LRIG3: variants seen among roughly 807,000 people sequenced by gnomAD.
LRIG3 encodes the protein leucine rich repeats and immunoglobulin like domains 3, also known as leucine-rich repeats and immunoglobulin-like domains protein 3.
Under a neutral mutation model 114.5 loss-of-function variants are expected in LRIG3, and 76 were observed. The ratio of observed to expected loss-of-function variants is 0.66; its 90% CI spans 0.55 to 0.80. The LOEUF is 0.80. LRIG3 is among the 30% of genes least tolerant of loss of function. LRIG3 has a pLI of 0.00. For synonymous variants in LRIG3, 512 were observed against 519.8 expected (o/e 0.98, Z 0.20); for missense variants, 1,239 against 1,382.8 (o/e 0.90, Z 1.65).
intron 8 of LRIG3, chr12:58,887,136 C>CA (rs1871302308): frequency 6.7e-6 from 3 of 445,270 alleles, no homozygotes; most frequent in African/African-American, 6.1e-5. Context: ...ATTCCTCTAT[C>CA]AAAATGACTA....
rs200279260 is a variant in LRIG3, at chr12:58,885,901, T to C, written c.1174A>G (p.Ile392Val). 7.2e-5 allele frequency: 113 copies of C among 1,578,914 alleles called. No homozygotes were observed. Among genetic ancestry groups the C allele is most frequent in the Non-Finnish European group, 9.2e-5 (107 of 1,157,874 alleles). Reference protein sequence around the residue: ...FSGLDKLRRLILQGNRIRSIT... With the variant: ...FSGLDKLRRLVLQGNRIRSIT... The stretch of plus-strand genomic sequence containing the variant: ...GAACGGATCCGATTTCCTTGGAGTA[T>C]CCTGGGGAAAAAAATTACATTGGAG... The change falls in exon 10 of 19, where the codon ATA (isoleucine) becomes GTA (valine). Residue 392 changes from isoleucine to valine, a missense_variant and splice_region_variant. Coordinates refer to ENST00000320743, the MANE Select transcript of LRIG3 (RefSeq NM_153377.5).
intron 3 of LRIG3, among the ~76,000 whole-genome samples, chr12:58,909,114 T>C (rs1353449081): frequency 6.6e-6 from 1 of 152,160 alleles, no homozygotes; most frequent in East Asian, 1.9e-4. Flanking sequence ...CATTTAAAAC[T>C]GTAAAACCCC....
intron 12 of LRIG3, among the ~76,000 whole-genome samples, 165 bp downstream of exon 12, chr12:58,882,704 T>C (rs1592296068): frequency 6.6e-6 from 1 of 152,200 alleles, no homozygotes; most frequent in African/African-American, 2.4e-5. Flanking sequence ...CTTTCCCATC[T>C]GTGAAATTAA....
At position 58,874,218 on chromosome 12, in the gene LRIG3, G is replaced by T. The variant is rs200846498; in HGVS notation, c.2952C>A (p.Ser984Arg). 1.0e-4 allele frequency: 162 copies of T among 1,614,044 alleles called. No homozygotes were observed. The highest frequency in any genetic ancestry group is 1.6e-4 in the Middle Eastern group (1 of 6,084). ...SHPSEESCER[S>R]FSNISWPSHV... is the part of the protein sequence containing the mutation. The stretch of plus-strand genomic sequence containing the variant: ...GTGAAGGCCACGATATATTACTGAA[G>T]CTCCGTTCGCAGGATTCTTCTGAAG... Residue 984 changes from serine (S) to arginine (R), a missense_variant, in exon 18 of 19, where the codon AGC (serine) becomes AGA (arginine). Coordinates refer to ENST00000320743, the MANE Select transcript of LRIG3 (RefSeq NM_153377.5).
rs117922135 is a variant in LRIG3, at chr12:58,895,715, G to A, written c.384-4919C>T. ...TACATTTTAGAATGGCTACTCTGAT[G>A]GCTGTGGGTGGAAAGACTGGGAGGA... On this transcript the variant is annotated intron_variant, in intron 3 of 18. Transcript: ENST00000320743. 1.3e-4 allele frequency among the ~76,000 whole-genome samples: 20 copies of A among 152,290 alleles called. 1 individual carries two copies. In the East Asian group the frequency reaches 3.7e-3, roughly 28 times the overall value.
rs1387274153 is a variant in LRIG3, at chr12:58,872,583, A to C, written c.3349T>G (p.Leu1117Val). ...YRTPNFQSYDLDT is the reference protein window; with the variant it reads ...YRTPNFQSYDVDT ...TGGTCTCATTCAGTCTATGTGTCCA[A>C]GTCATAAGACTGAAAATTTGGAGTC... is the stretch of plus-strand genomic sequence containing the variant. Residue 1117 changes from leucine (L) to valine (V), a missense_variant, in exon 19 of 19, where the codon TTG (leucine) becomes GTG (valine). Coordinates refer to ENST00000320743, the MANE Select transcript of LRIG3 (RefSeq NM_153377.5). 1.2e-6 allele frequency: 2 copies of C among 1,613,088 alleles called. No individual in the cohort carries two copies. Among genetic ancestry groups the C allele is most frequent in the Non-Finnish European group, 8.5e-7 (1 of 1,179,502 alleles).
intron 3 of LRIG3, among the ~76,000 whole-genome samples, chr12:58,906,477 G>C (rs1872070535): frequency 6.6e-6 from 1 of 152,160 alleles, no homozygotes; most frequent in Non-Finnish European, 1.5e-5. Flanking sequence ...TCAAGCAACA[G>C]TCTCTCAAAT....
chr12:58,893,205 A>C lies in LRIG3; in HGVS notation c.384-2409T>G, dbSNP rs563799552. ...TAATAAGGGGACAAAACGGGCATACATTTTAAATTTAAAGAACAAATTAAG... is the reference window on the plus strand; with the variant it reads ...TAATAAGGGGACAAAACGGGCATACCTTTTAAATTTAAAGAACAAATTAAG... On this transcript the variant is annotated intron_variant, in intron 3 of 18. Transcript: ENST00000320743. Among the ~76,000 whole-genome samples the C allele has an allele frequency of 2.6e-5, 4 of 152,332 alleles. No individual in the cohort carries two copies. In the South Asian group the frequency reaches 6.2e-4, roughly 24 times the overall value.
chr12:58,887,959 A>G, intron 7 of LRIG3, 27 bp from the exon 8 acceptor site: 1 of 1,595,476 alleles, frequency 6.3e-7, no homozygotes, highest in Non-Finnish European at 8.6e-7. Flanking sequence ...GAAAAGCAAT[A>G]GCTTTTATTT....
At position 58,914,207 on chromosome 12, in the gene LRIG3, T is replaced by C. The variant is rs74099591; in HGVS notation, c.308+58A>G. ...AATCCAAGTATTCCTTACGGTTAAA[T>C]AGTATAAGGGGTAACGTATTTTACT... On this transcript the variant is annotated intron_variant, in intron 2 of 18. Transcript: ENST00000320743. 3,504 of 1,534,956 alleles carry C rather than the reference T, an allele frequency of 2.3e-3. 60 individuals are homozygous for C. In the African/African-American group the frequency reaches 0.038, roughly 17 times the overall value.
chr12:58,886,664 G>A, intron 9 of LRIG3, 146 bp downstream of exon 9: 1 of 571,738 alleles, frequency 1.7e-6, no homozygotes, highest in East Asian at 2.9e-5. Context: ...GCAACAGCAG[G>A]CATTTGGGGA....
At chr12:58,906,043 C>T (rs1013420212) in intron 3 of LRIG3, among the ~76,000 whole-genome samples, 2 of 152,104 alleles carry the variant, frequency 1.3e-5, no homozygotes, top group Non-Finnish European at 2.9e-5. Flanking sequence ...ATCAGGAGAG[C>T]ACACGTCCTA....
intron 8 of LRIG3, 25 bp from the exon 9 acceptor site, chr12:58,886,915 T>C (rs775749840): frequency 5.7e-6 from 9 of 1,592,068 alleles, no homozygotes; most frequent in Middle Eastern, 3.3e-4. Context: ...AGCATTCCCT[T>C]TAGAGTGATA....
rs1346906981 is a variant in LRIG3, at chr12:58,872,298, T to C, written c.*274A>G. The C allele has an allele frequency of 1.4e-5, 3 of 207,694 alleles. No homozygotes were observed. The highest frequency in any genetic ancestry group is 2.8e-5 in the Non-Finnish European group (3 of 105,922). The allele number at this position is 207,694 out of a possible 1,614,324, so 12.9% of individuals were successfully genotyped here. On this transcript the variant is annotated 3_prime_UTR_variant, in exon 19 of 19. Coordinates refer to ENST00000320743, the MANE Select transcript of LRIG3 (RefSeq NM_153377.5). ...AGAAATCTGGCATTATAAAAATACATAAAATAATCATGATTTATATCATTA... is the reference window on the plus strand; with the variant it reads ...AGAAATCTGGCATTATAAAAATACACAAAATAATCATGATTTATATCATTA...
chr12:58,878,575 C>A (rs1871009282), intron 14 of LRIG3, among the ~76,000 whole-genome samples: 1 of 152,166 alleles, frequency 6.6e-6, no homozygotes, highest in African/African-American at 2.4e-5. Flanking sequence ...AGCATCCCAA[C>A]TTTTCCTCGG....
At chr12:58,886,284 AGGAGTTTGGGACT>A (rs1871274346) in intron 9 of LRIG3, among the ~76,000 whole-genome samples, 1 of 152,084 alleles carries the variant, frequency 6.6e-6, no homozygotes, top group African/African-American at 2.4e-5. Context: ...TTCCATCCAT[AGGAGTTTGGGACT>A]ATAGGGAGCT....
At position 58,878,878 on chromosome 12, in the gene LRIG3, T is replaced by C; in HGVS notation, c.2029A>G (p.Thr677Ala). The C allele has an allele frequency of 6.2e-7, 1 of 1,614,226 alleles. No homozygotes were observed. The highest frequency in any genetic ancestry group is 8.5e-7 in the Non-Finnish European group (1 of 1,180,040). ...KIEDIGVYSC[T>A]AQNSAGSISA... ...ATACTTCCTGCACTGTTCTGAGCTG[T>C]GCAGCTGTATACCCCAATGTCCTCT... The change falls in exon 14 of 19, where the codon ACA (threonine) becomes GCA (alanine). Residue 677 changes from threonine (T) to alanine (A), a missense_variant. Coordinates refer to ENST00000320743, the MANE Select transcript of LRIG3 (RefSeq NM_153377.5).
intron 13 of LRIG3, chr12:58,880,342 T>G (rs1016328142): frequency 6.2e-6 from 4 of 645,094 alleles, no homozygotes; most frequent in African/African-American, 1.9e-5. Context: ...AGCAAAAACA[T>G]GTCTGGTTCA....
rs1247657079 is a variant in LRIG3 at position 58,920,215 on chromosome 12, A to G, written c.21T>C (p.Arg7=). The change falls in exon 1 of 19, where the codon CGT becomes CGC. Residue 7 remains arginine (R), a synonymous_variant. Coordinates refer to ENST00000320743, the MANE Select transcript of LRIG3 (RefSeq NM_153377.5). MSAPSL[R]ARAAGLGLLL... is the part of the protein sequence containing the mutation. ...GCAGCCCCAACCCCGCGGCGCGCGC[A>G]CGGAGGCTCGGCGCGCTCATCGCGG... The G allele has an allele frequency of 5.0e-6, 7 of 1,393,858 alleles. No homozygotes were observed. Among genetic ancestry groups the G allele is most frequent in the Non-Finnish European group, 6.5e-6 (7 of 1,084,910 alleles). 86.3% of individuals were successfully genotyped at this position (1,393,858 alleles called of 1,614,324 possible).
Sources: gnomAD v4.1 joint callset for allele counts (sites outside exome capture counted in the v4.1 genomes callset) on GRCh38, gnomAD v4.1.1 for gene constraint, MANE v1.5 for transcripts, NCBI Gene and HGNC (gene_info 2026-07-23, HGNC 2026-07-21) for gene names.